NCF2: variants seen among roughly 807,000 people sequenced by gnomAD.
NCF2 encodes the protein neutrophil cytosolic factor 2, also known as neutrophil cytosol factor 2.
Under a neutral mutation model 70.9 loss-of-function variants are expected in NCF2, and 45 were observed. The observed-to-expected ratio is 0.63, with a 90% CI of 0.50 to 0.81. The LOEUF (loss-of-function observed/expected upper bound fraction) is 0.81, where lower values mean the gene tolerates loss of function less well. Among genes scored for constraint, NCF2 ranks in the 40% least tolerant of loss-of-function variants. NCF2 has a pLI of 0.00. For missense variants in NCF2, 522 were observed against 631.6 expected, an observed-to-expected ratio of 0.83 and a Z score of 1.86; for synonymous variants, 203 against 233.6, an observed-to-expected ratio of 0.87 and a Z score of 1.19.
rs890662812 is a variant in NCF2 at position 183,563,530 on chromosome 1, G to A, written c.1082C>T (p.Thr361Met). Reference protein sequence around the residue: ...PYTLKVHYKYTVVMKTQPGLP... With the variant: ...PYTLKVHYKYMVVMKTQPGLP... ...CCCGGGCTGAGTCTTCATGACTACC[G>A]TGTACTTGTAGTGCACCTTGAGTGT... Residue 361 changes from threonine to methionine, a missense_variant, in exon 12 of 15, where the codon ACG (threonine) becomes ATG (methionine). Thr to Met is a moderately conservative substitution (Grantham distance 81, BLOSUM62 -1). Transcript: ENST00000367535. 23 of 1,613,932 alleles carry A rather than the reference G, an allele frequency of 1.4e-5. No individual in the cohort carries two copies. The highest frequency in any genetic ancestry group is 1.8e-5 in the Non-Finnish European group (21 of 1,180,002).
At chr1:183,571,675 T>C (rs1672570262) in intron 5 of NCF2, among the ~76,000 whole-genome samples, 1 of 152,228 alleles carries the variant, frequency 6.6e-6, no homozygotes, top group African/African-American at 2.4e-5. Context: ...ATGCTTAAAC[T>C]ATAGATAATT....
Position 183,567,196 on chromosome 1 carries a change from C to G in NCF2, c.855+8G>C. 1.2e-6 allele frequency: 2 copies of G among 1,614,172 alleles called. No homozygotes were observed. Among genetic ancestry groups the G allele is most frequent in the Middle Eastern group, 1.6e-4 (1 of 6,062 alleles). ...GCCCATCGCACCAGCCCCTGATCCTCTGCATACCTGCCCGTTGAACATGAC... is the reference window on the plus strand; with the variant it reads ...GCCCATCGCACCAGCCCCTGATCCTGTGCATACCTGCCCGTTGAACATGAC... On this transcript the variant is annotated splice_region_variant and intron_variant, in intron 8 of 14. Transcript: ENST00000367535.
the NCF2 span, among the ~76,000 whole-genome samples, chr1:183,600,701 GGCTTA>G: frequency 2.0e-5 from 3 of 151,822 alleles, no homozygotes; most frequent in Non-Finnish European, 4.4e-5. Context: ...TTCACTCTGG[GGCTTA>G]GACTCTTTTC....
At chr1:183,580,365 G>A (rs1292855529) in intron 2 of NCF2, among the ~76,000 whole-genome samples, 2 of 152,132 alleles carry the variant, frequency 1.3e-5, no homozygotes, top group Non-Finnish European at 2.9e-5. Context: ...ATCAGGTTCC[G>A]CTTTCTAAGC....
intron 2 of NCF2, among the ~76,000 whole-genome samples, chr1:183,584,522 T>G (rs956677963): frequency 1.3e-5 from 2 of 152,244 alleles, no homozygotes; most frequent in African/African-American, 2.4e-5. Flanking sequence ...ATCTTTCTAA[T>G]CACTCAAAAC....
At position 183,560,200 on chromosome 1, in the gene NCF2, T is replaced by G; in HGVS notation, c.1364A>C (p.Gln455Pro). The change falls in exon 14 of 15, where the codon CAG becomes CCG. Residue 455 changes from glutamine (Q) to proline (P), a missense_variant. Physicochemically the swap from Gln to Pro is moderately conservative, Grantham distance 76 (BLOSUM62 -1). Transcript: ENST00000367535. The stretch of plus-strand genomic sequence containing the variant: ...CTCCACTTGGCTGCCTTTCTTAAGC[T>G]GAGGTTCTGTTGTCTGGTTATTAGC... ...ADANNQTTEP[Q>P]LKKGSQVEAL... is the part of the protein sequence containing the mutation. The G allele has an allele frequency of 6.2e-7, 1 of 1,614,224 alleles. No homozygotes were observed.
chr1:183,559,520 T>G (rs1671943541), intron 14 of NCF2, among the ~76,000 whole-genome samples: 1 of 152,220 alleles, frequency 6.6e-6, no homozygotes, highest in Non-Finnish European at 1.5e-5. Context: ...CCTCTGGGAA[T>G]GAGAATCCAT....
In NCF2 at chr1:183,560,248, G is replaced by T; in HGVS notation, c.1316C>A (p.Pro439His). Residue 439 changes from proline (P) to histidine (H), a missense_variant, in exon 14 of 15, where the codon CCC (proline) becomes CAC (histidine). By Grantham distance (77) the Pro-to-His change is moderately conservative (BLOSUM62 -2). Coordinates refer to ENST00000367535, the MANE Select transcript of NCF2 (RefSeq NM_000433.4). The stretch of plus-strand genomic sequence containing the variant: ...AGCATCAGCTTTTTCACTTTCCTTG[G>T]GTTCATCTGGAAAGCCTTGGTCACC... ...TVGDQGFPDEPKESEKADANN... is the reference protein window; with the variant it reads ...TVGDQGFPDEHKESEKADANN... 1 of 1,614,038 alleles carries T rather than the reference G, an allele frequency of 6.2e-7. No individual in the cohort carries two copies. The highest frequency in any genetic ancestry group is 8.5e-7 in the Non-Finnish European group (1 of 1,180,022).
At chr1:183,567,881 C>CA (rs1672381796) in intron 7 of NCF2, among the ~76,000 whole-genome samples, 1 of 152,086 alleles carries the variant, frequency 6.6e-6, no homozygotes. Flanking sequence ...TCTGAGGCTG[C>CA]CCAGCTGCCG....
At chr1:183,591,309 T>A (rs1000265592), upstream of NCF2, among the ~76,000 whole-genome samples, 4 of 152,088 alleles carry the variant, frequency 2.6e-5, no homozygotes, top group African/African-American at 7.2e-5. Flanking sequence ...TAAATGGGAG[T>A]GTCAGATGAG....
chr1:183,586,238 C>T (rs34715440), intron 2 of NCF2, among the ~76,000 whole-genome samples: 1 of 151,884 alleles, frequency 6.6e-6, no homozygotes, highest in African/African-American at 2.4e-5. Context: ...GGAGGGTAAG[C>T]CAGGAGAATC....
chr1:183,586,829 G>A (rs1425435477), intron 2 of NCF2, 66 bp downstream of exon 2: 16 of 1,462,742 alleles, frequency 1.1e-5, no homozygotes, highest in Admixed American at 8.4e-5. Flanking sequence ...CACCAAGCCC[G>A]CAACACTGAG....
At chr1:183,570,511 A>T (rs1672495840) in intron 6 of NCF2, among the ~76,000 whole-genome samples, 3 of 152,232 alleles carry the variant, frequency 2.0e-5, no homozygotes, top group Non-Finnish European at 2.9e-5. Context: ...GGATCAGCAG[A>T]TCTCTTTAGA....
chr1:183,556,091 C>T lies in NCF2; in HGVS notation c.*27G>A, dbSNP rs560754812. ...CAAACAAGTAATAGGGCTTCATTTTCTTCAGCTTTGTAGTTTGTGAAACAT... is the reference window on the plus strand; with the variant it reads ...CAAACAAGTAATAGGGCTTCATTTTTTTCAGCTTTGTAGTTTGTGAAACAT... On this transcript the variant is annotated 3_prime_UTR_variant, in exon 15 of 15. Coordinates refer to ENST00000367535, the MANE Select transcript of NCF2 (RefSeq NM_000433.4). 3.8e-6 allele frequency: 6 copies of T among 1,580,652 alleles called. No individual in the cohort carries two copies. Among genetic ancestry groups the T allele is most frequent in the Non-Finnish European group, 5.2e-6 (6 of 1,149,612 alleles).
chr1:183,563,155 C>T, intron 13 of NCF2, 40 bp downstream of exon 13: 2 of 1,566,090 alleles, frequency 1.3e-6, no homozygotes, highest in Non-Finnish European at 1.8e-6. Context: ...GGAAGTGGCT[C>T]AGTGGAAATG....
chr1:183,556,489 G>T (rs1466285678), intron 14 of NCF2, among the ~76,000 whole-genome samples: 3 of 152,168 alleles, frequency 2.0e-5, no homozygotes, highest in African/African-American at 7.2e-5. Flanking sequence ...TAGAGAAGAA[G>T]GGTCAAAGAA....
upstream of NCF2, among the ~76,000 whole-genome samples, chr1:183,595,434 A>C: frequency 6.6e-6 from 1 of 152,188 alleles, no homozygotes; most frequent in Non-Finnish European, 1.5e-5. Context: ...CCACAAACTT[A>C]ATGGCTTAAA....
chr1:183,588,047 C>T (rs1181035367), intron 1 of NCF2, among the ~76,000 whole-genome samples: 1 of 152,150 alleles, frequency 6.6e-6, no homozygotes, highest in Middle Eastern at 3.2e-3. Flanking sequence ...GGTCTTCTGT[C>T]TTTCATTCAT....
intron 9 of NCF2, among the ~76,000 whole-genome samples, chr1:183,566,070 C>T (rs1027132731): frequency 1.1e-4 from 16 of 152,204 alleles, no homozygotes; most frequent in African/African-American, 3.1e-4. Context: ...ATCCACTGGC[C>T]GTGGGGCAGG....
Sources: gnomAD v4.1 joint callset for allele counts (sites outside exome capture counted in the v4.1 genomes callset) on GRCh38, gnomAD v4.1.1 for gene constraint, MANE v1.5 for transcripts, NCBI Gene and HGNC (gene_info 2026-07-23, HGNC 2026-07-21) for gene names.